TSPAN2: variants seen among roughly 807,000 people sequenced by gnomAD.
TSPAN2 encodes tetraspanin 2, also known as tetraspanin-2.
A neutral mutation model predicts 33.3 loss-of-function variants in TSPAN2; 24 were observed. The ratio of observed to expected loss-of-function variants is 0.72; its 90% CI spans 0.52 to 1.01. The LOEUF is 1.01. Among genes scored for constraint, TSPAN2 ranks in the 50% least tolerant of loss-of-function variants. The pLI, the probability that TSPAN2 is intolerant of heterozygous loss-of-function variation, is 0.00. For missense variants in TSPAN2, 278 were observed against 281.3 expected (o/e 0.99, Z 0.08); for synonymous variants, 114 against 104.5 (o/e 1.09, Z -0.56).
intron 4 of TSPAN2, 90 bp downstream of exon 4, chr1:115,060,374 G>A (rs1647665939): frequency 9.8e-7 from 1 of 1,025,216 alleles, no homozygotes; most frequent in African/African-American, 1.6e-5. Flanking sequence ...ATAATAATGG[G>A]GATTATTTGG....
At chr1:115,067,717 C>A (rs371025427) in intron 2 of TSPAN2, among the ~76,000 whole-genome samples, 1 of 152,304 alleles carries the variant, frequency 6.6e-6, no homozygotes, top group East Asian at 1.9e-4. Flanking sequence ...AGTCAGGCTG[C>A]GATCCTGGAG....
chr1:115,062,090 GC>G (rs1647751197), intron 3 of TSPAN2, 44 bp downstream of exon 3: 1 of 1,448,480 alleles, frequency 6.9e-7, no homozygotes, highest in African/African-American at 1.4e-5. Context: ...GATGCAGGCC[GC>G]TCCCTCACCC....
At chr1:115,081,756 T>C (rs1648632763) in intron 1 of TSPAN2, among the ~76,000 whole-genome samples, 1 of 152,226 alleles carries the variant, frequency 6.6e-6, no homozygotes, top group South Asian at 2.1e-4. Context: ...ATTATGTTGG[T>C]AGACTTGCTA....
chr1:115,053,357 G>GT, intron 7 of TSPAN2, 22 bp downstream of exon 7: 1 of 1,610,398 alleles, frequency 6.2e-7, no homozygotes, highest in Non-Finnish European at 8.5e-7. Context: ...GGCAAAAAGG[G>GT]TAAGTTCTAG....
chr1:115,060,408 C>G, intron 4 of TSPAN2, 56 bp downstream of exon 4: 1 of 1,362,206 alleles, frequency 7.3e-7, no homozygotes, highest in Non-Finnish European at 1.0e-6. Flanking sequence ...TTGTGGGTAT[C>G]AATATTCTAA....
rs1372073414 is a variant in TSPAN2, at chr1:115,062,252, G to A, written c.173-20C>T. On this transcript the variant is annotated intron_variant, in intron 2 of 7. Coordinates refer to ENST00000369516, the MANE Select transcript of TSPAN2 (RefSeq NM_005725.6). The stretch of plus-strand genomic sequence containing the variant: ...ACAGCCCTGTGGGGAAGAGGTCAGA[G>A]GAGACCACTGAGAGCCAACCGAGTG... The A allele has an allele frequency of 6.4e-7, 1 of 1,564,396 alleles. No individual in the cohort carries two copies. The highest frequency in any genetic ancestry group is 8.7e-7 in the Non-Finnish European group (1 of 1,152,994).
intron 6 of TSPAN2, among the ~76,000 whole-genome samples, chr1:115,056,629 T>A (rs1570966363): frequency 6.6e-6 from 1 of 152,062 alleles, no homozygotes; most frequent in South Asian, 2.1e-4. Context: ...GCCTTCCCCA[T>A]CCCCCAGCCT....
At position 115,048,299 on chromosome 1, in the gene TSPAN2, C is replaced by CTACT. The variant is rs1675213302; in HGVS notation, c.*2190_*2191insAGTA. On this transcript the variant is annotated 3_prime_UTR_variant, in exon 8 of 8. Coordinates refer to ENST00000369516, the MANE Select transcript of TSPAN2 (RefSeq NM_005725.6). ...ATATCTATATATATTATATGTGTGT[C>CTACT]TATACAGATATATATATATATATAT... 1 of 148,256 alleles carries CTACT rather than the reference C, an allele frequency of 6.7e-6. No individual in the cohort carries two copies. Among genetic ancestry groups the CTACT allele is most frequent in the African/African-American group, 2.5e-5 (1 of 40,572 alleles). The allele number at this position is 148,256 out of a possible 1,614,324, so 9.2% of individuals were successfully genotyped here.
At chr1:115,055,996 A>G (rs1647404938) in intron 6 of TSPAN2, among the ~76,000 whole-genome samples, 1 of 152,152 alleles carries the variant, frequency 6.6e-6, no homozygotes, top group Non-Finnish European at 1.5e-5. Flanking sequence ...AAACTCCGAG[A>G]AGTGGAATTT....
At chr1:115,089,024 A>ACCGCCAGGGC (rs5777213) in intron 1 of TSPAN2, among the ~76,000 whole-genome samples, 147,935 of 151,940 alleles carry the variant, frequency 0.97, 72,043 homozygotes, top group East Asian at 1. Context: ...GGGAACAGGG[A>ACCGCCAGGGC]CCCAAGTCCT....
At chr1:115,085,956 G>C (rs904088635) in intron 1 of TSPAN2, among the ~76,000 whole-genome samples, 12 of 152,144 alleles carry the variant, frequency 7.9e-5, no homozygotes. Flanking sequence ...CCTGCTCTCA[G>C]AGTGTTTTAA....
chr1:115,087,333 C>T (rs1258709160), intron 1 of TSPAN2, among the ~76,000 whole-genome samples: 3 of 151,838 alleles, frequency 2.0e-5, no homozygotes, highest in Non-Finnish European at 2.9e-5. Context: ...AGAAGGTAGG[C>T]GGCCAGGCGC....
intron 5 of TSPAN2, 82 bp downstream of exon 5, chr1:115,058,801 T>A: frequency 5.7e-6 from 7 of 1,224,772 alleles, no homozygotes; most frequent in Non-Finnish European, 8.4e-6. Context: ...ATTTTTATTT[T>A]TAATCCTGGT....
At chr1:115,054,899 A>G (rs1342842425) in intron 6 of TSPAN2, among the ~76,000 whole-genome samples, 2 of 152,140 alleles carry the variant, frequency 1.3e-5, no homozygotes, top group Non-Finnish European at 2.9e-5. Context: ...AGGCAGGAGG[A>G]TCACTTGAAC....
At chr1:115,076,828 G>A (rs975439501) in intron 1 of TSPAN2, among the ~76,000 whole-genome samples, 8 of 152,172 alleles carry the variant, frequency 5.3e-5, no homozygotes, top group African/African-American at 1.4e-4. Context: ...TGGCCCAGGA[G>A]GGAATCCAAC....
In TSPAN2 at chr1:115,049,524, T is replaced by C. The variant is rs41274142; in HGVS notation, c.*966A>G. ...TAAACGTAAGTTATGAGGTATTTCA[T>C]AGATACAGTGCCCATACAAATTCTC... On this transcript the variant is annotated 3_prime_UTR_variant, in exon 8 of 8. Coordinates refer to ENST00000369516, the MANE Select transcript of TSPAN2 (RefSeq NM_005725.6). The C allele has an allele frequency of 0.029, 4,475 of 152,670 alleles. 101 individuals carry two copies. Among genetic ancestry groups the C allele is most frequent in the Non-Finnish European group, 0.045 (3,054 of 67,972 alleles). 9.5% of individuals were successfully genotyped at this position (152,670 alleles called of 1,614,324 possible). A position where few individuals can be genotyped will look rare whatever the true frequency, so the allele number is the denominator to read the frequency against.
intron 4 of TSPAN2, among the ~76,000 whole-genome samples, chr1:115,060,230 C>A (rs1410313478): frequency 6.6e-6 from 1 of 151,778 alleles, no homozygotes; most frequent in Non-Finnish European, 1.5e-5. Flanking sequence ...TATTATAGAC[C>A]ACTTCATAAG....
intron 1 of TSPAN2, 69 bp downstream of exon 1, chr1:115,089,295 G>T: frequency 7.2e-7 from 1 of 1,397,544 alleles, no homozygotes; most frequent in Admixed American, 2.2e-5. Context: ...TCAGCAGCTC[G>T]GGGACCCCGG....
chr1:115,051,061 G>C (rs1298552307), intron 7 of TSPAN2, among the ~76,000 whole-genome samples: 1 of 152,196 alleles, frequency 6.6e-6, no homozygotes, highest in South Asian at 2.1e-4. Flanking sequence ...TGCAATCCCA[G>C]CACTTTGGGA....
Sources: allele counts gnomAD v4.1 joint callset (sites outside exome capture counted in the v4.1 genomes callset), GRCh38; gene constraint gnomAD v4.1.1; transcripts MANE v1.5; gene names NCBI Gene and HGNC (gene_info 2026-07-23, HGNC 2026-07-21).